CIB1: variants seen among roughly 807,000 people sequenced by gnomAD.
The protein encoded by CIB1 is calcium and integrin-binding protein 1.
Under a neutral mutation model 25.0 loss-of-function variants are expected in CIB1, and 19 were observed. The ratio of observed to expected loss-of-function variants is 0.76; its 90% CI spans 0.53 to 1.12. CIB1 has a LOEUF of 1.12. Ranked by LOEUF, CIB1 falls within the 50% of genes most tolerant of loss-of-function variation. The pLI, the probability that CIB1 is intolerant of heterozygous loss-of-function variation, is 0.00. For missense variants in CIB1, 236 were observed against 242.6 expected (o/e 0.97, Z 0.18); for synonymous variants, 104 against 98.5 (o/e 1.06, Z -0.33).
chr15:90,257,241 T>G, the CIB1 span: 1 of 1,612,760 alleles, frequency 6.2e-7, no homozygotes, highest in Non-Finnish European at 8.5e-7. Flanking sequence ...CTAGCCCGTT[T>G]TGCCACCACG....
chr15:90,257,666 T>G, the CIB1 span: 1 of 1,614,198 alleles, frequency 6.2e-7, no homozygotes, highest in Non-Finnish European at 8.5e-7. Context: ...TGACCAACTA[T>G]GCTATCAACA....
the CIB1 span, chr15:90,251,659 C>T: frequency 6.4e-7 from 1 of 1,569,886 alleles, no homozygotes; most frequent in Non-Finnish European, 8.8e-7. Flanking sequence ...GCTGTTCTTC[C>T]TCTGGAATGG....
chr15:90,241,836 C>T, the CIB1 span: 15 of 1,614,070 alleles, frequency 9.3e-6, no homozygotes, highest in Admixed American at 5.0e-5. Flanking sequence ...CACAGGGGTC[C>T]GAGTAATTCT....
At chr15:90,233,740 C>G (rs1184170157) in intron 1 of CIB1, 37 bp from the exon 2 acceptor site, 5 of 1,559,426 alleles carry the variant, frequency 3.2e-6, no homozygotes, top group Non-Finnish European at 4.3e-6. Context: ...TAGCGGACCG[C>G]TGGGAGGCCG....
chr15:90,250,697 A>T, the CIB1 span: 1 of 1,614,014 alleles, frequency 6.2e-7, no homozygotes, highest in Non-Finnish European at 8.5e-7. Flanking sequence ...GGAATCTGAG[A>T]AGTGTGTTAA....
At chr15:90,265,730 T>G in the CIB1 span, 1 of 1,613,264 alleles carries the variant, frequency 6.2e-7, no homozygotes, top group Non-Finnish European at 8.5e-7. Flanking sequence ...TTACCCTGAG[T>G]CTCTTGCTGG....
the CIB1 span, chr15:90,258,286 A>T: frequency 1.9e-6 from 3 of 1,612,818 alleles, no homozygotes; most frequent in Admixed American, 5.0e-5. Flanking sequence ...ATTATCTCCT[A>T]GGCTTTGCAA....
At chr15:90,255,723 C>G in the CIB1 span, 1 of 1,614,020 alleles carries the variant, frequency 6.2e-7, no homozygotes, top group Non-Finnish European at 8.5e-7. Context: ...GCCACTTACT[C>G]TGGGGGCTCA....
chr15:90,243,528 G>A, the CIB1 span: 2 of 150,628 alleles, frequency 1.3e-5, no homozygotes, highest in African/African-American at 2.4e-5. Flanking sequence ...TAAATTTTTT[G>A]TAGAGATAGG....
At chr15:90,250,065 C>G in the CIB1 span, among the ~76,000 whole-genome samples, 15 of 151,702 alleles carry the variant, frequency 9.9e-5, no homozygotes, top group African/African-American at 3.6e-4. Context: ...TCAAGTGATT[C>G]TCCTCCCTCA....
the CIB1 span, among the ~76,000 whole-genome samples, chr15:90,260,631 T>A: frequency 6.6e-6 from 1 of 152,054 alleles, no homozygotes; most frequent in African/African-American, 2.4e-5. Context: ...GGTGGGCGGA[T>A]CAGGAGGTCA....
the CIB1 span, chr15:90,257,562 C>A: frequency 7.3e-7 from 1 of 1,377,846 alleles, no homozygotes; most frequent in South Asian, 1.2e-5. Flanking sequence ...GGGTGGGGAG[C>A]AACAAGGTAA....
the CIB1 span, among the ~76,000 whole-genome samples, chr15:90,260,894 G>A: frequency 6.6e-6 from 1 of 150,466 alleles, no homozygotes; most frequent in African/African-American, 2.4e-5. Context: ...AGGAAGGAAG[G>A]AAGGACACAC....
chr15:90,256,412 C>T, the CIB1 span: 1 of 1,319,814 alleles, frequency 7.6e-7, no homozygotes, highest in South Asian at 1.3e-5. Flanking sequence ...CCCACTAGCC[C>T]CGTTTTCCTG....
rs776376956 is a variant in CIB1, at chr15:90,231,087, C to T, written c.465+8G>A. The T allele has an allele frequency of 3.1e-6, 5 of 1,614,082 alleles. No individual in the cohort carries two copies. In the South Asian group the frequency reaches 4.4e-5, roughly 14 times the overall value. On this transcript the variant is annotated splice_region_variant and intron_variant, in intron 5 of 6. Coordinates refer to ENST00000328649, the MANE Select transcript of CIB1 (RefSeq NM_006384.4). Reference sequence around the variant, plus strand: ...CCCTCCCGCTCCCAGGCCTGCTCAGCTGCTCACGTTGTCGATGAGCTGCTT... The same window carrying T: ...CCCTCCCGCTCCCAGGCCTGCTCAGTTGCTCACGTTGTCGATGAGCTGCTT...
At chr15:90,234,023 TAA>T, upstream of CIB1, 4 of 1,027,420 alleles carry the variant, frequency 3.9e-6, no homozygotes, top group South Asian at 7.4e-5. Context: ...CGCCCCCTCC[TAA>T]AAGCTGCCAG....
At chr15:90,230,640 T>C (rs2151634285) in intron 6 of CIB1, 135 bp from the exon 7 acceptor site, 1 of 926,218 alleles carries the variant, frequency 1.1e-6, no homozygotes, top group Non-Finnish European at 1.7e-6. Context: ...CTGCAAGAAC[T>C]CCCCGAGACA....
chr15:90,245,778 G>T, the CIB1 span: 1 of 152,098 alleles, frequency 6.6e-6, no homozygotes, highest in African/African-American at 2.4e-5. Context: ...CATATAAAAA[G>T]GGGAAAGTAA....
chr15:90,242,161 C>T, the CIB1 span: 86 of 1,036,446 alleles, frequency 8.3e-5, no homozygotes, highest in Non-Finnish European at 1.1e-4. Flanking sequence ...GATCCTGGCT[C>T]ACTGTAGCCT....
Sources: allele counts gnomAD v4.1 joint callset (sites outside exome capture counted in the v4.1 genomes callset), GRCh38; gene constraint gnomAD v4.1.1; transcripts MANE v1.5; gene names NCBI Gene and HGNC (gene_info 2026-07-23, HGNC 2026-07-21).